The following USP38 variants were observed in gnomAD, a reference collection of about 807,000 sequenced individuals.
The protein encoded by USP38 is ubiquitin carboxyl-terminal hydrolase 38.
USP38 carries 49 observed loss-of-function variants against 94.3 expected under a neutral mutation model. That is an observed-to-expected ratio of 0.52 (90% confidence interval 0.41 to 0.66). The LOEUF (loss-of-function observed/expected upper bound fraction) is 0.66. USP38 is among the 30% of genes least tolerant of loss of function. USP38 has a pLI of 0.00. For synonymous variants in USP38, 468 were observed against 463.6 expected (o/e 1.01, Z -0.12); for missense variants, 1,128 against 1,229.4 (o/e 0.92, Z 1.23).
rs1009399799 is a variant in USP38 at position 143,192,398 on chromosome 4, A to T, written c.819-3318A>T. ...AGGCTGGTCTCGAACTTCTGACCTC[A>T]GGTGATCCAGCCGCCTTGGCCTCCC... On this transcript the variant is annotated intron_variant, in intron 2 of 9. Transcript: ENST00000307017. 3.3e-5 allele frequency among the ~76,000 whole-genome samples: 5 copies of T among 152,186 alleles called. No individual in the cohort carries two copies. The South Asian group carries it at 1.0e-3, about 32-fold the overall frequency.
At chr4:143,187,006 AC>A (rs781596410) in intron 1 of USP38, among the ~76,000 whole-genome samples, 12 of 152,186 alleles carry the variant, frequency 7.9e-5, no homozygotes, top group Non-Finnish European at 1.8e-4. Context: ...TGGAGTTTTA[AC>A]AAACGTTCTG....
intron 7 of USP38, among the ~76,000 whole-genome samples, chr4:143,210,586 CAA>C (rs540768498): frequency 3.0e-5 from 4 of 133,036 alleles, no homozygotes; most frequent in Non-Finnish European, 4.9e-5. Context: ...GCCCCTGTCT[CAA>C]AAAAAAAAAA....
At position 143,187,879 on chromosome 4, in the gene USP38, C is replaced by T. The variant is rs866210305; in HGVS notation, c.736C>T (p.Leu246Phe). Reference protein sequence around the residue: ...ALASLVQHIPLQMITVLIRSL... With the variant: ...ALASLVQHIPFQMITVLIRSL... ...GGCAAGCCTTGTGCAGCATATTCCTCTTCAGATGATTACAGTTCTCATCAG... is the reference window on the plus strand; with the variant it reads ...GGCAAGCCTTGTGCAGCATATTCCTTTTCAGATGATTACAGTTCTCATCAG... Residue 246 changes from leucine to phenylalanine, a missense_variant, in exon 2 of 10, where the codon CTT (leucine) becomes TTT (phenylalanine). Transcript: ENST00000307017. 4.3e-6 allele frequency: 7 copies of T among 1,613,728 alleles called. No homozygotes were observed. The highest frequency in any genetic ancestry group is 1.3e-5 in the African/African-American group (1 of 75,014).
rs1334567003 is a variant in USP38, at chr4:143,184,921, C to T, written c.-530C>T. 6.7e-6 allele frequency: 1 copy of T among 150,022 alleles called. No homozygotes were observed. The highest frequency in any genetic ancestry group is 1.5e-5 in the Non-Finnish European group (1 of 68,500). 9.3% of individuals were successfully genotyped at this position (150,022 alleles called of 1,614,324 possible). On this transcript the variant is annotated 5_prime_UTR_variant, in exon 1 of 10. Transcript: ENST00000307017. ...CTTCACTTCCTGTTTGCCGGCACTT[C>T]AAAATCCGGGTCAAAGGGTGTCGCT... is the stretch of plus-strand genomic sequence containing the variant.
At chr4:143,191,859 A>C (rs1731405055) in intron 2 of USP38, among the ~76,000 whole-genome samples, 1 of 152,242 alleles carries the variant, frequency 6.6e-6, no homozygotes, top group Non-Finnish European at 1.5e-5. Flanking sequence ...CTTGGAATTC[A>C]AATTGATAAT....
intron 9 of USP38, among the ~76,000 whole-genome samples, chr4:143,217,280 G>A (rs911533877): frequency 1.3e-5 from 2 of 152,088 alleles, no homozygotes; most frequent in African/African-American, 4.8e-5. Flanking sequence ...AAACTATAGC[G>A]TTGAGATTAT....
chr4:143,204,546 C>T (rs1166160092), intron 5 of USP38: 6 of 370,882 alleles, frequency 1.6e-5, no homozygotes, highest in South Asian at 4.0e-5. Context: ...CACACCACCA[C>T]GCCAGGCTAA....
intron 2 of USP38, among the ~76,000 whole-genome samples, chr4:143,190,015 G>C (rs1731347865): frequency 6.6e-6 from 1 of 151,852 alleles, no homozygotes; most frequent in South Asian, 2.1e-4. Context: ...AGTTCTCATT[G>C]TTCATTTATT....
chr4:143,202,929 T>C (rs1349375372), intron 4 of USP38, among the ~76,000 whole-genome samples: 1 of 152,114 alleles, frequency 6.6e-6, no homozygotes, highest in Non-Finnish European at 1.5e-5. Flanking sequence ...TTTTAGTTAC[T>C]CATGTAAAGA....
intron 5 of USP38, among the ~76,000 whole-genome samples, chr4:143,204,972 C>T (rs1262030367): frequency 2.0e-5 from 3 of 152,102 alleles, no homozygotes; most frequent in Non-Finnish European, 2.9e-5. Flanking sequence ...AACACAAAGA[C>T]TGTTAAGCAA....
chr4:143,185,749 ATGTAGCCATCC>A lies in USP38; in HGVS notation c.302_312del (p.Val101GlyfsTer21). On this transcript the variant is annotated frameshift_variant, in exon 1 of 10. Transcript: ENST00000307017. LOFTEE classifies it high-confidence loss of function. Reference sequence around the variant, plus strand: ...GGCTACCACTCTCTGGACAGGAAGGATGTAGCCATCCTGGACTACATTCACAACGGCCTGAA... The same window carrying A: ...GGCTACCACTCTCTGGACAGGAAGGATGGACTACATTCACAACGGCCTGAA... The A allele has an allele frequency of 6.2e-7, 1 of 1,614,100 alleles. No homozygotes were observed. Among genetic ancestry groups the A allele is most frequent in the East Asian group, 2.2e-5 (1 of 44,870 alleles).
At position 143,197,909 on chromosome 4, in the gene USP38, A is replaced by G. The variant is rs771399241; in HGVS notation, c.1035A>G (p.Pro345=). The part of the protein sequence containing the change: ...SHMLLSFQHS[P]EAFHLIVPHV... ...TGCTGCTTAGCTTTCAGCATTCTCC[A>G]GAGGCGTTCCATTTGGTAAGTTATG... is the stretch of plus-strand genomic sequence containing the variant. Residue 345 remains proline, a synonymous_variant, in exon 4 of 10, where the codon CCA becomes CCG. Transcript: ENST00000307017. The G allele has an allele frequency of 6.2e-7, 1 of 1,612,162 alleles. No homozygotes were observed. The highest frequency in any genetic ancestry group is 8.5e-7 in the Non-Finnish European group (1 of 1,179,044).
chr4:143,201,225 C>T (rs548844311), intron 4 of USP38, among the ~76,000 whole-genome samples: 40 of 152,262 alleles, frequency 2.6e-4, no homozygotes, highest in African/African-American at 5.5e-4. Flanking sequence ...ACAGACGAAG[C>T]TGCACACCTA....
rs1208174820 is a variant in USP38 at position 143,222,942 on chromosome 4, C to A, written c.*2486C>A. The A allele has an allele frequency of 6.6e-6, 1 of 152,020 alleles. No individual in the cohort carries two copies. Among genetic ancestry groups the A allele is most frequent in the Non-Finnish European group, 1.5e-5 (1 of 67,954 alleles). The allele number at this position is 152,020 out of a possible 1,614,324, so 9.4% of individuals were successfully genotyped here. On this transcript the variant is annotated 3_prime_UTR_variant, in exon 10 of 10. Coordinates refer to ENST00000307017, the MANE Select transcript of USP38 (RefSeq NM_032557.6). ...TGAGTAGAGTACTATTGTTGTTTTT[C>A]TTTCCTTAGTCAGAGTAATCAGTTT...
rs1190345483 is a variant in USP38, at chr4:143,221,041, A to T, written c.*585A>T. The T allele has an allele frequency of 6.6e-6, 1 of 152,578 alleles. No homozygotes were observed. The highest frequency in any genetic ancestry group is 1.5e-5 in the Non-Finnish European group (1 of 68,004). 9.5% of individuals were successfully genotyped at this position (152,578 alleles called of 1,614,324 possible). On this transcript the variant is annotated 3_prime_UTR_variant, in exon 10 of 10. Coordinates refer to ENST00000307017, the MANE Select transcript of USP38 (RefSeq NM_032557.6). Reference sequence around the variant, plus strand: ...TATTTCAAGTACAAATGTTTTTAAAAAGGATTCTTTATACATATGTGCTGA... The same window carrying T: ...TATTTCAAGTACAAATGTTTTTAAATAGGATTCTTTATACATATGTGCTGA...
chr4:143,206,500 G>T (rs1462210637), intron 6 of USP38, among the ~76,000 whole-genome samples: 1 of 152,102 alleles, frequency 6.6e-6, no homozygotes, highest in East Asian at 1.9e-4. Context: ...GAGCAGCCTG[G>T]CCGTCATGGC....
At position 143,213,894 on chromosome 4, in the gene USP38, A is replaced by G. The variant is rs2149612570; in HGVS notation, c.1918A>G (p.Ile640Val). 4 of 1,613,872 alleles carry G rather than the reference A, an allele frequency of 2.5e-6. No individual in the cohort carries two copies. The South Asian group carries it at 4.4e-5, about 18-fold the overall frequency. ...CCAAGATCCAGCATCATCACCCAGT[A>G]TACAAGATGGTGGTCTAATGCAAGC... ...SVQDPASSPSIQDGGLMQASV... is the reference protein window; with the variant it reads ...SVQDPASSPSVQDGGLMQASV... The change falls in exon 9 of 10, where the codon ATA (isoleucine) becomes GTA (valine). Residue 640 changes from isoleucine to valine, a missense_variant. Ile to Val is a conservative substitution (Grantham distance 29). Coordinates refer to ENST00000307017, the MANE Select transcript of USP38 (RefSeq NM_032557.6).
chr4:143,203,299 T>C, intron 4 of USP38, 109 bp from the exon 5 acceptor site: 1 of 1,098,448 alleles, frequency 9.1e-7, no homozygotes. Context: ...TGACTGCACA[T>C]ACAGAAAAGT....
At position 143,195,779 on chromosome 4, in the gene USP38, G is replaced by A; in HGVS notation, c.882G>A (p.Leu294=). The part of the protein sequence containing the change: ...QHVDTWVIAL[L]KGLAAVQKFT... ...TGGATACATGGGTAATTGCACTCCT[G>A]AAAGGACTGGCAGCTGTCCAGAAGT... Residue 294 remains leucine (L), a synonymous_variant, in exon 3 of 10, where the codon CTG becomes CTA. Coordinates refer to ENST00000307017, the MANE Select transcript of USP38 (RefSeq NM_032557.6). 6.2e-7 allele frequency: 1 copy of A among 1,613,810 alleles called. No individual in the cohort carries two copies. Among genetic ancestry groups the A allele is most frequent in the South Asian group, 1.1e-5 (1 of 91,038 alleles).
Sources: gnomAD v4.1 joint callset for allele counts (sites outside exome capture counted in the v4.1 genomes callset) on GRCh38, gnomAD v4.1.1 for gene constraint, MANE v1.5 for transcripts, NCBI Gene and HGNC (gene_info 2026-07-23, HGNC 2026-07-21) for gene names.